Variants in RHBDL2 observed in about 807,000 individuals in gnomAD.
RHBDL2 encodes the protein rhomboid-related protein 2.
In RHBDL2, 26 loss-of-function variants were observed where a neutral mutation model predicts 31.7. That is an observed-to-expected ratio of 0.82 (90% CI 0.60 to 1.14). The LOEUF is 1.14. Among genes scored for constraint, RHBDL2 ranks in the 50% most tolerant of loss-of-function variants. The pLI is 0.00. For synonymous variants in RHBDL2, 123 were observed against 127.2 expected (o/e 0.97, Z 0.22); for missense variants, 336 against 364.4 (o/e 0.92, Z 0.63).
At chr1:38,891,782 C>T (rs1364882834) in intron 6 of RHBDL2, among the ~76,000 whole-genome samples, 3 of 152,170 alleles carry the variant, frequency 2.0e-5, no homozygotes, top group African/African-American at 7.2e-5. Flanking sequence ...TGGGGATAAT[C>T]GAACCCTTCA....
chr1:38,908,049 A>T (rs948240750), intron 4 of RHBDL2, among the ~76,000 whole-genome samples: 16 of 152,030 alleles, frequency 1.1e-4, no homozygotes, highest in Non-Finnish European at 2.9e-5. Flanking sequence ...AGTTAAAAAA[A>T]GTTAGAAAAT....
chr1:38,911,309 T>G lies in RHBDL2; in HGVS notation c.508+13A>C. 6.4e-7 allele frequency: 1 copy of G among 1,550,600 alleles called. No homozygotes were observed. Among genetic ancestry groups the G allele is most frequent in the Non-Finnish European group, 8.9e-7 (1 of 1,122,254 alleles). On this transcript the variant is annotated intron_variant, in intron 4 of 7. Transcript: ENST00000372990. ...CCAGAGGTATTGATTCTGTGTTACCTCAGAACACTGACCTGCAATCACTCC... is the reference window on the plus strand; with the variant it reads ...CCAGAGGTATTGATTCTGTGTTACCGCAGAACACTGACCTGCAATCACTCC...
chr1:38,886,515 G>T lies in RHBDL2; in HGVS notation c.901C>A (p.Pro301Thr). The T allele has an allele frequency of 6.3e-7, 1 of 1,581,148 alleles. No homozygotes were observed. The highest frequency in any genetic ancestry group is 8.6e-7 in the Non-Finnish European group (1 of 1,158,338). ...FAVFFNIFLS[P>T]AN ...ACAATAGGGGCAGGTCAGTTTGCTGGAGATAGGAAAATGTTGAAAAACACA... is the reference window on the plus strand; with the variant it reads ...ACAATAGGGGCAGGTCAGTTTGCTGTAGATAGGAAAATGTTGAAAAACACA... Residue 301 changes from proline to threonine, a missense_variant, in exon 8 of 8, where the codon CCA becomes ACA. Physicochemically the swap from Pro to Thr is conservative, Grantham distance 38. Transcript: ENST00000372990.
chr1:38,915,951 C>T (rs1643230126), intron 2 of RHBDL2, among the ~76,000 whole-genome samples: 1 of 152,158 alleles, frequency 6.6e-6, no homozygotes, highest in Non-Finnish European at 1.5e-5. Flanking sequence ...CTTTCTGAAC[C>T]CCTTTTGCCC....
At chr1:38,900,535 C>T (rs534670718) in intron 4 of RHBDL2, among the ~76,000 whole-genome samples, 15 of 152,204 alleles carry the variant, frequency 9.9e-5, no homozygotes, top group Non-Finnish European at 1.8e-4. Flanking sequence ...GCAGGAGAAT[C>T]GCTTGAGCCT....
chr1:38,928,420 G>A (rs1316819743), intron 1 of RHBDL2, among the ~76,000 whole-genome samples: 2 of 144,414 alleles, frequency 1.4e-5, no homozygotes, highest in East Asian at 4.0e-4. Context: ...GGGATTACAG[G>A]GGTGAGCCAC....
At chr1:38,928,293 C>T (rs1303962336) in intron 1 of RHBDL2, among the ~76,000 whole-genome samples, 7 of 151,944 alleles carry the variant, frequency 4.6e-5, no homozygotes, top group African/African-American at 9.7e-5. Context: ...AGGTGCCTGC[C>T]ACCACGCCCA....
intron 4 of RHBDL2, among the ~76,000 whole-genome samples, chr1:38,897,844 C>T (rs189252509): frequency 1.3e-3 from 200 of 152,180 alleles, no homozygotes; most frequent in African/African-American, 4.8e-3. Context: ...AGAAGTAGTC[C>T]AGTAGGCCGG....
chr1:38,888,074 A>G (rs1642809328), intron 6 of RHBDL2, 50 bp from the exon 7 acceptor site: 3 of 1,290,604 alleles, frequency 2.3e-6, no homozygotes, highest in Non-Finnish European at 3.3e-6. Flanking sequence ...ACAGTAGTAC[A>G]CCAAATGTTT....
At chr1:38,911,635 TGTGTGTGTGTGCGCGC>T (rs1356853595) in intron 3 of RHBDL2, among the ~76,000 whole-genome samples, 48 of 113,456 alleles carry the variant, frequency 4.2e-4, no homozygotes, top group African/African-American at 1.8e-3. Flanking sequence ...TGTGTGTGTG[TGTGTGTGTGTGCGCGC>T]GCGCGCGCGT....
At chr1:38,919,450 T>TA (rs1643281361) in intron 1 of RHBDL2, 113 bp from the exon 2 acceptor site, 4 of 1,000,878 alleles carry the variant, frequency 4.0e-6, no homozygotes, top group Non-Finnish European at 4.2e-6. Context: ...TGACTGAGAT[T>TA]AAAATGCAGC....
In RHBDL2 at chr1:38,886,390, T is replaced by C; in HGVS notation, c.*114A>G. 1.4e-6 allele frequency: 1 copy of C among 711,298 alleles called. No individual in the cohort carries two copies. The allele number at this position is 711,298 out of a possible 1,614,324, so 44.1% of individuals were successfully genotyped here. A position where few individuals can be genotyped will look rare whatever the true frequency, so the allele number is the denominator to read the frequency against. ...ATGAGTTTAATGCTGTTTTGTCCTC[T>C]ATATAAAATTGTTAGCCTTTTCTGA... On this transcript the variant is annotated 3_prime_UTR_variant, in exon 8 of 8. Transcript: ENST00000372990.
At chr1:38,931,285 G>A (rs1199457128) in intron 1 of RHBDL2, among the ~76,000 whole-genome samples, 1 of 152,178 alleles carries the variant, frequency 6.6e-6, no homozygotes, top group Non-Finnish European at 1.5e-5. Context: ...ACTTTGGGAG[G>A]CCGAGGTGGG....
chr1:38,928,140 TC>T (rs1484495722), intron 1 of RHBDL2, among the ~76,000 whole-genome samples: 1 of 145,346 alleles, frequency 6.9e-6, no homozygotes, highest in African/African-American at 2.7e-5. Flanking sequence ...TTTTTTTCTT[TC>T]TTTTTTTTTT....
chr1:38,937,923 C>A (rs1455940079), intron 1 of RHBDL2, among the ~76,000 whole-genome samples: 1 of 152,088 alleles, frequency 6.6e-6, no homozygotes, highest in Non-Finnish European at 1.5e-5. Context: ...TAGGTGGGGA[C>A]CCATCAGGCC....
At chr1:38,891,297 CTTTA>C (rs1642851692) in intron 6 of RHBDL2, among the ~76,000 whole-genome samples, 1 of 148,106 alleles carries the variant, frequency 6.8e-6, no homozygotes, top group Non-Finnish European at 1.5e-5. Context: ...ATATTTACAA[CTTTA>C]TACACATTAC....
chr1:38,904,121 A>G (rs1485437226), intron 4 of RHBDL2, among the ~76,000 whole-genome samples: 2 of 152,210 alleles, frequency 1.3e-5, no homozygotes, highest in East Asian at 3.8e-4. Context: ...TAAAACTTCT[A>G]GGAGAAAACA....
chr1:38,897,680 G>A lies in RHBDL2; in HGVS notation c.509-1611C>T, dbSNP rs546193152. Among the ~76,000 whole-genome samples, 6 of 152,176 alleles carry A rather than the reference G, an allele frequency of 3.9e-5. No individual in the cohort carries two copies. The East Asian group carries it at 7.7e-4, about 20-fold the overall frequency. ...CAGTGAGCTATCATCGTGCCACTGCGCTCCAGTCTGGGTGACAGAGGAAGA... is the reference window on the plus strand; with the variant it reads ...CAGTGAGCTATCATCGTGCCACTGCACTCCAGTCTGGGTGACAGAGGAAGA... On this transcript the variant is annotated intron_variant, in intron 4 of 7. Transcript: ENST00000372990.
intron 4 of RHBDL2, among the ~76,000 whole-genome samples, chr1:38,910,753 CTTTTTTT>C (rs765064879): frequency 6.3e-5 from 7 of 111,076 alleles, no homozygotes; most frequent in Non-Finnish European, 1.3e-4. Flanking sequence ...TATTCCTTTT[CTTTTTTT>C]TTTTTTTTTT....
Sources: gnomAD v4.1 joint callset for allele counts (sites outside exome capture counted in the v4.1 genomes callset) on GRCh38, gnomAD v4.1.1 for gene constraint, MANE v1.5 for transcripts, NCBI Gene and HGNC (gene_info 2026-07-23, HGNC 2026-07-21) for gene names.